RICTOR: variants seen among roughly 807,000 people sequenced by gnomAD.
RICTOR encodes rapamycin-insensitive companion of mTOR.
RICTOR carries 49 observed loss-of-function variants against 214.9 expected under a neutral mutation model. The ratio of observed to expected loss-of-function variants is 0.23; its 90% CI spans 0.18 to 0.29. The LOEUF (loss-of-function observed/expected upper bound fraction) is 0.29. Among genes scored for constraint, RICTOR ranks in the 10% least tolerant of loss-of-function variants. The probability of loss-of-function intolerance (pLI) is 1.00; values close to 1 mark genes in which losing one functional copy is unlikely to be tolerated. For missense variants in RICTOR, 1,625 were observed against 2,047.0 expected, an observed-to-expected ratio of 0.79 and a Z score of 3.98; for synonymous variants, 717 against 711.3, an observed-to-expected ratio of 1.01 and a Z score of -0.13.
In RICTOR at chr5:38,958,703, T is replaced by C; in HGVS notation, c.2307A>G (p.Glu769=). 1 of 1,611,340 alleles carries C rather than the reference T, an allele frequency of 6.2e-7. No homozygotes were observed. Among genetic ancestry groups the C allele is most frequent in the Non-Finnish European group, 8.5e-7 (1 of 1,178,928 alleles). The part of the protein sequence containing the change: ...LHDKNKTISS[E]ALDILDEACE... ...ATGCTTCATCGAGGATATCAAGAGC[T>C]TCAGAGGAAATCGTTTTGTTTTTAT... Residue 769 remains glutamate (E), a synonymous_variant, in exon 23 of 38, where the codon GAA becomes GAG. Transcript: ENST00000357387.
At chr5:38,969,279 T>C (rs1040535187) in intron 11 of RICTOR, among the ~76,000 whole-genome samples, 3 of 152,128 alleles carry the variant, frequency 2.0e-5, no homozygotes, top group East Asian at 3.9e-4. Context: ...GCCTGTGTTT[T>C]TGTTTTTAAC....
chr5:38,969,620 TA>T (rs1750581052), intron 11 of RICTOR: 1 of 151,630 alleles, frequency 6.6e-6, no homozygotes, highest in African/African-American at 2.4e-5. Flanking sequence ...ATTAGTCCCA[TA>T]AGCTCCATGC....
At chr5:39,014,104 T>C (rs576324458) in intron 3 of RICTOR, among the ~76,000 whole-genome samples, 130 of 152,232 alleles carry the variant, frequency 8.5e-4, no homozygotes, top group African/African-American at 3.1e-3. Flanking sequence ...CTATACCACA[T>C]AGCCTGGATA....
chr5:39,016,709 C>A (rs1307743770), intron 3 of RICTOR, among the ~76,000 whole-genome samples: 1 of 152,082 alleles, frequency 6.6e-6, no homozygotes. Flanking sequence ...TCAACAGATT[C>A]CTAGAAATGA....
intron 2 of RICTOR, among the ~76,000 whole-genome samples, chr5:39,023,219 T>C (rs1475891915): frequency 6.6e-6 from 1 of 151,604 alleles, no homozygotes; most frequent in East Asian, 1.9e-4. Flanking sequence ...AAAAAATGCT[T>C]TAAAAAATAC....
At position 38,947,438 on chromosome 5, in the gene RICTOR, G is replaced by C. The variant is rs779446035; in HGVS notation, c.4140C>G (p.Phe1380Leu). The C allele has an allele frequency of 1.9e-6, 3 of 1,604,274 alleles. No homozygotes were observed. Among genetic ancestry groups the C allele is most frequent in the Non-Finnish European group, 1.7e-6 (2 of 1,172,090 alleles). Reference sequence around the variant, plus strand: ...ATGATGCATAACTTAAGGCTTTCATGAACCTATAAAACCATAAAGAAACCA... The same window carrying C: ...ATGATGCATAACTTAAGGCTTTCATCAACCTATAAAACCATAAAGAAACCA... ...SFESRLTPSR[F>L]MKALSYASLD... Residue 1380 changes from phenylalanine (F) to leucine (L), a missense_variant, in exon 32 of 38, where the codon TTC (phenylalanine) becomes TTG (leucine). Transcript: ENST00000357387.
In RICTOR at chr5:38,950,119, T is replaced by G; in HGVS notation, c.3729A>C (p.Val1243=). The G allele has an allele frequency of 6.2e-7, 1 of 1,613,464 alleles. No individual in the cohort carries two copies. The highest frequency in any genetic ancestry group is 8.5e-7 in the Non-Finnish European group (1 of 1,179,654). The change falls in exon 31 of 38, where the codon GTA becomes GTC. Residue 1243 remains valine (V), a synonymous_variant. Transcript: ENST00000357387. Reference sequence around the variant, plus strand: ...AGTCTGTGTCCATAGTTGTAGCATCTACACCTACTGTCTCTCGTGAAGGAC... The same window carrying G: ...AGTCTGTGTCCATAGTTGTAGCATCGACACCTACTGTCTCTCGTGAAGGAC... The part of the protein sequence containing the change: ...SSSPSRETVG[V]DATTMDTDCG...
chr5:38,941,007 A>G lies in RICTOR; in HGVS notation c.*1297T>C, dbSNP rs1028388312. On this transcript the variant is annotated 3_prime_UTR_variant, in exon 38 of 38. Coordinates refer to ENST00000357387, the MANE Select transcript of RICTOR (RefSeq NM_152756.5). ...TTTCTATTTATATATAGATCTCAAA[A>G]AAGATAATCCTTTCATTTACAAGCA... 3.0e-5 allele frequency: 7 copies of G among 232,760 alleles called. No individual in the cohort carries two copies. The highest frequency in any genetic ancestry group is 5.1e-5 in the Non-Finnish European group (6 of 117,590). The allele number at this position is 232,760 out of a possible 1,614,324, so 14.4% of individuals were successfully genotyped here. A position where few individuals can be genotyped will look rare whatever the true frequency, so the allele number is the denominator to read the frequency against.
chr5:39,069,303 T>A (rs1759136462), intron 2 of RICTOR, among the ~76,000 whole-genome samples: 1 of 152,312 alleles, frequency 6.6e-6, no homozygotes, highest in East Asian at 1.9e-4. Flanking sequence ...TCATTCCATA[T>A]CTCCCACTTT....
At chr5:38,944,605 A>G (rs762783988) in intron 35 of RICTOR, 36 bp from the exon 36 acceptor site, 8 of 1,520,398 alleles carry the variant, frequency 5.3e-6, no homozygotes, top group East Asian at 2.3e-5. Context: ...AATATTATCT[A>G]TGTCACAATA....
At chr5:39,066,734 A>G (rs191922688) in intron 2 of RICTOR, among the ~76,000 whole-genome samples, 1 of 152,360 alleles carries the variant, frequency 6.6e-6, no homozygotes, top group Admixed American at 6.5e-5. Flanking sequence ...CTTCCGCCAG[A>G]TACCAGAGGT....
intron 31 of RICTOR, chr5:38,949,427 C>T: frequency 6.3e-7 from 1 of 1,590,020 alleles, no homozygotes. Flanking sequence ...TAAAATCGAT[C>T]CTTGCAGAAG....
At position 38,978,188 on chromosome 5, in the gene RICTOR, T is replaced by C. The variant is rs540746697; in HGVS notation, c.821+395A>G. Among the ~76,000 whole-genome samples, 177 of 152,326 alleles carry C rather than the reference T, an allele frequency of 1.2e-3. 1 individual carries two copies. The highest frequency in any genetic ancestry group is 3.9e-3 in the African/African-American group (163 of 41,586). ...TATTTACTCTATTCTCATTTATTTC[T>C]GTATTAAACTTATTCTCAGAATTCT... On this transcript the variant is annotated intron_variant, in intron 9 of 37. Coordinates refer to ENST00000357387, the MANE Select transcript of RICTOR (RefSeq NM_152756.5).
chr5:39,071,250 CTTAA>C (rs1178093098), intron 2 of RICTOR, among the ~76,000 whole-genome samples: 3 of 152,156 alleles, frequency 2.0e-5, no homozygotes, highest in Admixed American at 6.5e-5. Context: ...TTCGCTTAGA[CTTAA>C]TTTATTGGTA....
chr5:39,045,105 T>C (rs1757401927), intron 2 of RICTOR, among the ~76,000 whole-genome samples: 1 of 152,168 alleles, frequency 6.6e-6, no homozygotes, highest in African/African-American at 2.4e-5. Flanking sequence ...TAGAATTGAG[T>C]ACTTGGGCTC....
At chr5:39,045,406 A>G (rs943993039) in intron 2 of RICTOR, among the ~76,000 whole-genome samples, 1 of 152,196 alleles carries the variant, frequency 6.6e-6, no homozygotes, top group Non-Finnish European at 1.5e-5. Context: ...CAGTAAAAAT[A>G]ACTAAAAGCA....
Position 38,953,060 on chromosome 5 carries a change from T to C in RICTOR, c.2822A>G (p.Asn941Ser), listed in dbSNP as rs200255149. Residue 941 changes from asparagine (N) to serine (S), a missense_variant, in exon 29 of 38, where the codon AAT becomes AGT. Around this residue, in one of 5 missense-constraint regions of RICTOR, gnomAD observed 1,214 missense variants for 1,470.5 expected, o/e 0.83. Transcript: ENST00000357387. ...AATCACGTTTTCTTCCTGTAGCAAA[T>C]TGAGACCCCAATTTGATGAGCCGAT... ...GNIGSSNWGL[N>S]LLQEENVIPD... 1.2e-4 allele frequency: 188 copies of C among 1,608,834 alleles called. No homozygotes were observed. The highest frequency in any genetic ancestry group is 3.1e-4 in the East Asian group (14 of 44,712).
At chr5:38,968,361 T>C (rs1371779399) in intron 11 of RICTOR, among the ~76,000 whole-genome samples, 3 of 152,118 alleles carry the variant, frequency 2.0e-5, no homozygotes, top group Non-Finnish European at 2.9e-5. Flanking sequence ...TATGGAATTA[T>C]GTAAAATTAC....
intron 3 of RICTOR, among the ~76,000 whole-genome samples, chr5:39,015,938 G>T (rs1435402250): frequency 6.6e-6 from 1 of 152,092 alleles, no homozygotes; most frequent in African/African-American, 2.4e-5. Flanking sequence ...CAGTTGGGCT[G>T]CAAGTCTCCA....
Sources: gnomAD v4.1 joint callset for allele counts (sites outside exome capture counted in the v4.1 genomes callset) on GRCh38, gnomAD v4.1.1 for gene constraint, gnomAD v4.1.1 regional missense constraint, MANE v1.5 for transcripts, NCBI Gene and HGNC (gene_info 2026-07-23, HGNC 2026-07-21) for gene names.